TGS1: variants seen among roughly 807,000 people sequenced by gnomAD.
TGS1 encodes trimethylguanosine synthase.
Under a neutral mutation model 92.2 loss-of-function variants are expected in TGS1, and 69 were observed. The ratio of observed to expected loss-of-function variants is 0.75; its 90% CI spans 0.62 to 0.91. The LOEUF (loss-of-function observed/expected upper bound fraction) is 0.91, where lower values mean the gene tolerates loss of function less well. Among genes scored for constraint, TGS1 ranks in the 40% least tolerant of loss-of-function variants. The pLI is 0.00. For synonymous variants in TGS1, 345 were observed against 338.1 expected (o/e 1.02, Z -0.22); for missense variants, 1,062 against 1,001.2 (o/e 1.06, Z -0.82).
intron 8 of TGS1, among the ~76,000 whole-genome samples, chr8:55,801,582 C>CCTTTTTTTTTTTTTTTTTT (rs1214681045): frequency 2.1e-5 from 1 of 48,198 alleles, no homozygotes; most frequent in African/African-American, 9.4e-5. Flanking sequence ...CCCCATCGTT[C>CCTTTTTTTTTTTTTTTTTT]TTTTTTTTTT....
At chr8:55,795,796 A>ACT (rs1198483682) in intron 6 of TGS1, among the ~76,000 whole-genome samples, 182 bp from the exon 7 acceptor site, 1 of 152,252 alleles carries the variant, frequency 6.6e-6, no homozygotes, top group African/African-American at 2.4e-5. Context: ...TTTAGAATTA[A>ACT]CATGAAAGTT....
intron 12 of TGS1, among the ~76,000 whole-genome samples, chr8:55,817,912 GCA>G (rs1803529137): frequency 6.6e-6 from 1 of 152,116 alleles, no homozygotes; most frequent in South Asian, 2.1e-4. Context: ...ATAGGAGCTG[GCA>G]CACACACTTA....
At chr8:55,806,125 G>A (rs1812362084) in intron 10 of TGS1, among the ~76,000 whole-genome samples, 1 of 151,624 alleles carries the variant, frequency 6.6e-6, no homozygotes, top group Admixed American at 6.6e-5. Flanking sequence ...GGAGGCCGAG[G>A]CAGGCTGATC....
Position 55,802,645 on chromosome 8 carries a change from C to T in TGS1, c.1999+39C>T, listed in dbSNP as rs749451661. ...GTATTTTTTAGCTTTATTTTGAAAC[C>T]ACTTCAAACTTAAAAAGAAAGTTAT... On this transcript the variant is annotated intron_variant, in intron 9 of 12. Coordinates refer to ENST00000260129, the MANE Select transcript of TGS1 (RefSeq NM_024831.8). 4 of 1,550,488 alleles carry T rather than the reference C, an allele frequency of 2.6e-6. No individual in the cohort carries two copies. In the Admixed American group the frequency reaches 8.1e-5, roughly 31 times the overall value.
rs1554562881 is a variant in TGS1, at chr8:55,803,130, G to GGTGTGT, written c.1999+539_1999+544dup. Among the ~76,000 whole-genome samples, 21 of 143,678 alleles carry GGTGTGT rather than the reference G, an allele frequency of 1.5e-4. No homozygotes were observed. In the South Asian group the frequency reaches 1.6e-3, roughly 11 times the overall value. 94.3% of individuals were successfully genotyped at this position (143,678 alleles called of 152,430 possible). On this transcript the variant is annotated intron_variant, in intron 9 of 12. Coordinates refer to ENST00000260129, the MANE Select transcript of TGS1 (RefSeq NM_024831.8). ...TATAGGATGCCCTTCAATTTGGGGG[G>GGTGTGT]GTGTGTGTGTGTGTGTGTGTATTTT...
chr8:55,774,209 G>C (rs970245816), intron 1 of TGS1, among the ~76,000 whole-genome samples: 2 of 151,936 alleles, frequency 1.3e-5, no homozygotes, highest in Non-Finnish European at 2.9e-5. Context: ...CTTTATTTTG[G>C]GGAAATCTTT....
intron 12 of TGS1, among the ~76,000 whole-genome samples, chr8:55,822,092 CAG>C (rs1341900308): frequency 2.7e-5 from 4 of 148,156 alleles, no homozygotes; most frequent in East Asian, 2.0e-4. Flanking sequence ...TTTTTTGAGG[CAG>C]AGTCTCACTC....
intron 5 of TGS1, among the ~76,000 whole-genome samples, chr8:55,790,772 G>A (rs1047848597): frequency 1.1e-4 from 16 of 152,084 alleles, no homozygotes; most frequent in Admixed American, 3.3e-4. Flanking sequence ...ACTTGCCTTG[G>A]CCTTCCAAAG....
intron 10 of TGS1, among the ~76,000 whole-genome samples, chr8:55,809,753 T>C (rs950257290): frequency 6.6e-5 from 10 of 152,196 alleles, no homozygotes; most frequent in Non-Finnish European, 1.5e-4. Flanking sequence ...TTTTATGTGA[T>C]AGATTGAATG....
At chr8:55,802,048 G>A (rs1812230445) in intron 8 of TGS1, among the ~76,000 whole-genome samples, 1 of 152,144 alleles carries the variant, frequency 6.6e-6, no homozygotes, top group African/African-American at 2.4e-5. Context: ...AAAAAAATTA[G>A]CCGGGCGTGG....
chr8:55,789,666 G>A lies in TGS1; in HGVS notation c.1163-516G>A, dbSNP rs141680597. ...TCGAATCAGGCAGCCCCAAGAGCCA[G>A]AATAGGTTCAGAGCAACTCCAGGGC... On this transcript the variant is annotated intron_variant, in intron 4 of 12. Transcript: ENST00000260129. Among the ~76,000 whole-genome samples the A allele has an allele frequency of 1.4e-4, 22 of 152,320 alleles. 2 individuals are homozygous for A. In the East Asian group the frequency reaches 4.2e-3, roughly 29 times the overall value.
At position 55,824,803 on chromosome 8, in the gene TGS1, G is replaced by C; in HGVS notation, c.*100G>C. On this transcript the variant is annotated 3_prime_UTR_variant, in exon 13 of 13. Coordinates refer to ENST00000260129, the MANE Select transcript of TGS1 (RefSeq NM_024831.8). ...TTATTCACTGATATTTTCTACCCAT[G>C]GTCTTATATCACCGTATGAAATGGA... 2 of 1,386,900 alleles carry C rather than the reference G, an allele frequency of 1.4e-6. No homozygotes were observed. The highest frequency in any genetic ancestry group is 3.7e-4 in the Middle Eastern group (2 of 5,430). The allele number at this position is 1,386,900 out of a possible 1,614,324, so 85.9% of individuals were successfully genotyped here.
At chr8:55,776,184 G>A (rs557454429) in intron 1 of TGS1, among the ~76,000 whole-genome samples, 11 of 151,936 alleles carry the variant, frequency 7.2e-5, no homozygotes, top group Admixed American at 1.3e-4. Flanking sequence ...TGAGAGGATC[G>A]TGATTGATTG....
At position 55,799,073 on chromosome 8, in the gene TGS1, C is replaced by G; in HGVS notation, c.1702C>G (p.Pro568Ala). 1 of 1,614,142 alleles carries G rather than the reference C, an allele frequency of 6.2e-7. No homozygotes were observed. Among genetic ancestry groups the G allele is most frequent in the South Asian group, 1.1e-5 (1 of 91,092 alleles). Residue 568 changes from proline to alanine, a missense_variant, in exon 8 of 13, where the codon CCA (proline) becomes GCA (alanine). Pro to Ala is a conservative substitution (Grantham distance 27). Transcript: ENST00000260129. ...TGATGACCTACTGGAGACTAATAAT[C>G]CAGAACCTGAAAAGTGTCAGAGCGT... is the stretch of plus-strand genomic sequence containing the variant. ...KGDDLLETNN[P>A]EPEKCQSVSS...
chr8:55,821,314 G>C (rs1045290728), intron 12 of TGS1, among the ~76,000 whole-genome samples: 1 of 152,122 alleles, frequency 6.6e-6, no homozygotes, highest in African/African-American at 2.4e-5. Context: ...GGGATTTCTT[G>C]TTTGTTTTTT....
At chr8:55,773,904 A>T (rs537927913) in intron 1 of TGS1, among the ~76,000 whole-genome samples, 185 bp downstream of exon 1, 1 of 152,292 alleles carries the variant, frequency 6.6e-6, no homozygotes, top group East Asian at 1.9e-4. Context: ...CATTATTTTT[A>T]TGTGAAGGAC....
chr8:55,792,827 A>G (rs1563456893), intron 6 of TGS1, 43 bp downstream of exon 6: 1 of 1,339,874 alleles, frequency 7.5e-7, no homozygotes, highest in Non-Finnish European at 1.1e-6. Context: ...AGTCCTAACC[A>G]CTTCAACTAT....
chr8:55,825,189 T>G lies in TGS1; in HGVS notation c.*486T>G, dbSNP rs944538392. ...CCCCCATCTCACCCTCCCCAAGTGC[T>G]GGAATTACAGGCGTGAGCTACTGTG... On this transcript the variant is annotated 3_prime_UTR_variant, in exon 13 of 13. Transcript: ENST00000260129. 1 of 153,074 alleles carries G rather than the reference T, an allele frequency of 6.5e-6. No homozygotes were observed. Among genetic ancestry groups the G allele is most frequent in the African/African-American group, 2.4e-5 (1 of 41,466 alleles). 9.5% of individuals were successfully genotyped at this position (153,074 alleles called of 1,614,324 possible).
chr8:55,801,134 T>G lies in TGS1; in HGVS notation c.1850-1323T>G, dbSNP rs183712619. Among the ~76,000 whole-genome samples, 471 of 152,364 alleles carry G rather than the reference T, an allele frequency of 3.1e-3. 5 individuals carry two copies. The highest frequency in any genetic ancestry group is 0.01 in the African/African-American group (418 of 41,590). ...TAGTCCTTGATAGAAAGGAAATGTT[T>G]AGATTTCTATAATTCACCACATAAA... On this transcript the variant is annotated intron_variant, in intron 8 of 12. Transcript: ENST00000260129.
Sources: gnomAD v4.1 joint callset for allele counts (sites outside exome capture counted in the v4.1 genomes callset) on GRCh38, gnomAD v4.1.1 for gene constraint, MANE v1.5 for transcripts, NCBI Gene and HGNC (gene_info 2026-07-23, HGNC 2026-07-21) for gene names.